The following NRG3 variants were observed in gnomAD, a reference collection of about 807,000 sequenced individuals.
NRG3 encodes neuregulin 3, also known as pro-neuregulin-3, membrane-bound isoform.
In NRG3, 31 loss-of-function variants were observed where a neutral mutation model predicts 66.9. That is an observed-to-expected ratio of 0.46 (90% CI 0.35 to 0.63). NRG3 has a LOEUF of 0.63. NRG3 is among the 20% of genes least tolerant of loss of function. NRG3 has a pLI of 0.00. For synonymous variants in NRG3, 393 were observed against 359.4 expected, an observed-to-expected ratio of 1.09 and a Z score of -1.06; for missense variants, 910 against 878.9, an observed-to-expected ratio of 1.04 and a Z score of -0.45.
chr10:82,806,509 C>G (rs757981099), intron 3 of NRG3, among the ~76,000 whole-genome samples: 10 of 152,190 alleles, frequency 6.6e-5, no homozygotes, highest in African/African-American at 4.8e-5. Flanking sequence ...CTTCTACTCA[C>G]GGACCTACAA....
At chr10:82,042,913 A>G (rs954108709) in intron 1 of NRG3, among the ~76,000 whole-genome samples, 3 of 152,050 alleles carry the variant, frequency 2.0e-5, no homozygotes, top group African/African-American at 7.2e-5. Context: ...ATGCAAACTG[A>G]CACATAATGG....
intron 1 of NRG3, among the ~76,000 whole-genome samples, chr10:82,093,276 T>G (rs902931957): frequency 6.6e-6 from 1 of 152,126 alleles, no homozygotes; most frequent in Non-Finnish European, 1.5e-5. Context: ...CAACTTGGTA[T>G]ATAGCATCTG....
intron 1 of NRG3, among the ~76,000 whole-genome samples, chr10:82,274,418 A>G (rs971175038): frequency 7.3e-6 from 1 of 137,504 alleles, no homozygotes; most frequent in Non-Finnish European, 1.5e-5. Context: ...ATCTAGAATG[A>G]TTATTAGCCT....
At chr10:82,660,363 C>T (rs189368612) in intron 2 of NRG3, among the ~76,000 whole-genome samples, 13 of 151,988 alleles carry the variant, frequency 8.6e-5, no homozygotes, top group African/African-American at 3.1e-4. Context: ...CCCCTAAATT[C>T]ACAGTTTATT....
At chr10:82,179,267 C>CTAT (rs1164269785) in intron 1 of NRG3, among the ~76,000 whole-genome samples, 1 of 151,916 alleles carries the variant, frequency 6.6e-6, no homozygotes, top group Non-Finnish European at 1.5e-5. Flanking sequence ...TCTCACTTAT[C>CTAT]TATTTTTTCT....
chr10:82,929,407 T>A (rs1259105226), intron 4 of NRG3, among the ~76,000 whole-genome samples: 1 of 152,122 alleles, frequency 6.6e-6, no homozygotes, highest in African/African-American at 2.4e-5. Context: ...TTTAAAACAA[T>A]CCCCAGGTAT....
intron 1 of NRG3, among the ~76,000 whole-genome samples, chr10:82,140,932 A>G (rs1169763361): frequency 1.3e-5 from 2 of 152,128 alleles, no homozygotes. Flanking sequence ...TTGGGTGTAC[A>G]TGAATGCAAA....
At chr10:82,871,259 T>C (rs1841311656) in intron 4 of NRG3, among the ~76,000 whole-genome samples, 1 of 148,832 alleles carries the variant, frequency 6.7e-6, no homozygotes, top group Non-Finnish European at 1.5e-5. Flanking sequence ...CTGAGTTCTT[T>C]GTTCTGTTCC....
chr10:82,244,019 A>T (rs1018346520), intron 1 of NRG3, among the ~76,000 whole-genome samples: 8 of 152,218 alleles, frequency 5.3e-5, no homozygotes, highest in African/African-American at 1.9e-4. Flanking sequence ...CAAGGAGATT[A>T]ATAGTCAAAA....
In NRG3 at chr10:82,845,610, A is replaced by T. The variant is rs2063275137; in HGVS notation, c.1028-19801A>T. Among the ~76,000 whole-genome samples the T allele has an allele frequency of 2.0e-5, 3 of 152,330 alleles. No individual in the cohort carries two copies. The South Asian group carries it at 6.2e-4, about 32-fold the overall frequency. On this transcript the variant is annotated intron_variant, in intron 3 of 8. Transcript: ENST00000372141. ...GTTGTGGGAAATGGATAAACTGGAAATAGAAAATAAAAAGGAAAAAAAACA... is the reference window on the plus strand; with the variant it reads ...GTTGTGGGAAATGGATAAACTGGAATTAGAAAATAAAAAGGAAAAAAAACA...
intron 1 of NRG3, among the ~76,000 whole-genome samples, chr10:81,948,787 T>C (rs967068510): frequency 2.6e-5 from 4 of 152,330 alleles, no homozygotes; most frequent in African/African-American, 9.6e-5. Context: ...GTGGGTCTAA[T>C]GCAAATTGCA....
At chr10:82,126,807 A>T (rs2068474962) in intron 1 of NRG3, among the ~76,000 whole-genome samples, 2 of 151,992 alleles carry the variant, frequency 1.3e-5, no homozygotes, top group Admixed American at 1.3e-4. Context: ...TTTGCAAATG[A>T]TTGGTGTTAT....
At chr10:82,359,588 A>G (rs2083992016) in intron 2 of NRG3, among the ~76,000 whole-genome samples, 1 of 152,174 alleles carries the variant, frequency 6.6e-6, no homozygotes, top group African/African-American at 2.4e-5. Context: ...TGGCTTTAAG[A>G]CTCAATAGAA....
chr10:81,981,166 T>G (rs1360453290), intron 1 of NRG3, among the ~76,000 whole-genome samples: 1 of 152,148 alleles, frequency 6.6e-6, no homozygotes, highest in Non-Finnish European at 1.5e-5. Context: ...CCAAAACTCA[T>G]GTAAATATTA....
At position 81,875,718 on chromosome 10, in the gene NRG3, G is replaced by A; in HGVS notation, c.378G>A (p.Glu126=). 6.2e-7 allele frequency: 1 copy of A among 1,613,428 alleles called. No homozygotes were observed. The change falls in exon 1 of 9, where the codon GAG becomes GAA. Residue 126 remains glutamate, a synonymous_variant. Transcript: ENST00000372141. The surrounding 1 kb of genome is among the most constrained non-coding windows in gnomAD (Gnocchi z 5.3). ...SKPSSFPKAM[E]TTTTTTSTTS... ...CCAGCTCTTTCCCCAAGGCCATGGA[G>A]ACCACCACCACTACCACTTCCACCA...
At chr10:82,241,394 G>T (rs1217935827) in intron 1 of NRG3, among the ~76,000 whole-genome samples, 1 of 151,888 alleles carries the variant, frequency 6.6e-6, no homozygotes, top group African/African-American at 2.4e-5. Context: ...TATACAAGGG[G>T]TATCTTTTGT....
chr10:82,931,525 A>G (rs1207874742), intron 4 of NRG3, among the ~76,000 whole-genome samples: 1 of 152,154 alleles, frequency 6.6e-6, no homozygotes, highest in East Asian at 1.9e-4. Context: ...CAGAATTATT[A>G]AATATTCAAT....
At chr10:82,679,145 T>C (rs2053930837) in intron 2 of NRG3, among the ~76,000 whole-genome samples, 1 of 152,218 alleles carries the variant, frequency 6.6e-6, no homozygotes, top group African/African-American at 2.4e-5. Context: ...ACCATTGTGC[T>C]GTCTTGTACA....
At chr10:82,370,593 C>T (rs1287158426) in intron 2 of NRG3, among the ~76,000 whole-genome samples, 2 of 104,740 alleles carry the variant, frequency 1.9e-5, no homozygotes, top group Non-Finnish European at 3.3e-5. Flanking sequence ...AGGGAACCAC[C>T]CTCTTCAACC....
Sources: allele counts gnomAD v4.1 joint callset (sites outside exome capture counted in the v4.1 genomes callset), GRCh38; gene constraint gnomAD v4.1.1; non-coding constraint Gnocchi (gnomAD v3.1); transcripts MANE v1.5; gene names NCBI Gene and HGNC (gene_info 2026-07-23, HGNC 2026-07-21).